SH3RF3: variants seen among roughly 807,000 people sequenced by gnomAD.
The protein encoded by SH3RF3 is E3 ubiquitin-protein ligase SH3RF3.
Under a neutral mutation model 66.3 loss-of-function variants are expected in SH3RF3, and 29 were observed. The ratio of observed to expected loss-of-function variants is 0.44; its 90% CI spans 0.33 to 0.60. The LOEUF is 0.60. Ranked by LOEUF, SH3RF3 falls within the 20% of genes least tolerant of loss-of-function variation. The pLI is 0.04. For synonymous variants in SH3RF3, 583 were observed against 532.0 expected, an observed-to-expected ratio of 1.10 and a Z score of -1.32; for missense variants, 1,194 against 1,190.9, an observed-to-expected ratio of 1.00 and a Z score of -0.04.
chr2:109,297,753 T>C (rs1681351572), intron 1 of SH3RF3, among the ~76,000 whole-genome samples: 1 of 146,960 alleles, frequency 6.8e-6, no homozygotes, highest in South Asian at 2.2e-4. Context: ...GTGTCCCTTA[T>C]CCAGTCAGTG....
At chr2:109,150,368 A>G (rs957361734) in intron 1 of SH3RF3, among the ~76,000 whole-genome samples, 1 of 152,172 alleles carries the variant, frequency 6.6e-6, no homozygotes, top group Non-Finnish European at 1.5e-5. Context: ...AGACCATGCT[A>G]GGGATTTTTG....
At chr2:109,456,919 G>A (rs1014629988) in intron 8 of SH3RF3, among the ~76,000 whole-genome samples, 3 of 152,222 alleles carry the variant, frequency 2.0e-5, no homozygotes, top group Non-Finnish European at 2.9e-5. Context: ...TGGCAGGGAC[G>A]AGGGAAGGAG....
chr2:109,193,286 C>G (rs918326911), intron 1 of SH3RF3, among the ~76,000 whole-genome samples: 22 of 152,142 alleles, frequency 1.4e-4, no homozygotes, highest in Admixed American at 2.0e-4. Flanking sequence ...TCTTTTAAGG[C>G]TTTATTGAGA....
Position 109,476,234 on chromosome 2 carries a change from A to G in SH3RF3, c.2149-14371A>G, listed in dbSNP as rs1254911871. Among the ~76,000 whole-genome samples the G allele has an allele frequency of 3.3e-5, 5 of 152,334 alleles. No individual in the cohort carries two copies. The East Asian group carries it at 9.6e-4, about 29-fold the overall frequency. On this transcript the variant is annotated intron_variant, in intron 8 of 9. Coordinates refer to ENST00000309415, the MANE Select transcript of SH3RF3 (RefSeq NM_001099289.3). Reference sequence around the variant, plus strand: ...CAGCCCTGCCCCCACCAGGCCTGCTAGCACCCACAGCACAAAGTTCTCCAG... The same window carrying G: ...CAGCCCTGCCCCCACCAGGCCTGCTGGCACCCACAGCACAAAGTTCTCCAG...
intron 1 of SH3RF3, among the ~76,000 whole-genome samples, chr2:109,307,549 A>G (rs1681627067): frequency 7.1e-6 from 1 of 141,686 alleles, no homozygotes; most frequent in South Asian, 2.4e-4. Context: ...CATTAGGTAT[A>G]TCTCCCAATG....
At chr2:109,427,539 C>CT (rs959684916) in intron 5 of SH3RF3, among the ~76,000 whole-genome samples, 10 of 152,182 alleles carry the variant, frequency 6.6e-5, no homozygotes, top group African/African-American at 1.9e-4. Flanking sequence ...CCCAGAATCT[C>CT]TAACAAGTTC....
At chr2:109,274,765 A>G (rs1183937474) in intron 1 of SH3RF3, among the ~76,000 whole-genome samples, 3 of 152,294 alleles carry the variant, frequency 2.0e-5, no homozygotes, top group Admixed American at 6.5e-5. Context: ...TCACTTTAAA[A>G]TGGTTAATTT....
chr2:109,475,570 C>T (rs1252546638), intron 8 of SH3RF3, among the ~76,000 whole-genome samples: 1 of 152,212 alleles, frequency 6.6e-6, no homozygotes, highest in African/African-American at 2.4e-5. Flanking sequence ...AGGCTGACAC[C>T]TGCCCTGTAG....
At chr2:109,474,490 G>T (rs1352353035) in intron 8 of SH3RF3, among the ~76,000 whole-genome samples, 2 of 152,180 alleles carry the variant, frequency 1.3e-5, no homozygotes, top group Non-Finnish European at 2.9e-5. Flanking sequence ...TGATCCCTGG[G>T]GACAGGCGGC....
At chr2:109,409,448 A>G (rs999098178) in intron 4 of SH3RF3, among the ~76,000 whole-genome samples, 1 of 152,212 alleles carries the variant, frequency 6.6e-6, no homozygotes, top group African/African-American at 2.4e-5. Context: ...CTTTATTCAC[A>G]AAAGCAGAAC....
At position 109,283,880 on chromosome 2, in the gene SH3RF3, T is replaced by C. The variant is rs571247844; in HGVS notation, c.574-63794T>C. Among the ~76,000 whole-genome samples the C allele has an allele frequency of 3.6e-3, 544 of 152,340 alleles. 1 individual carries two copies. Among genetic ancestry groups the C allele is most frequent in the African/African-American group, 0.012 (508 of 41,570 alleles). On this transcript the variant is annotated intron_variant, in intron 1 of 9. Transcript: ENST00000309415. ...GATGCTGGGGAGTGAGTATTCTATATGCATCAGCTGGTGAAGCGCTTATCA... is the reference window on the plus strand; with the variant it reads ...GATGCTGGGGAGTGAGTATTCTATACGCATCAGCTGGTGAAGCGCTTATCA...
chr2:109,320,537 T>C (rs752641939), intron 1 of SH3RF3, among the ~76,000 whole-genome samples: 5 of 152,216 alleles, frequency 3.3e-5, no homozygotes, highest in Non-Finnish European at 7.3e-5. Context: ...ACCTGCTGGA[T>C]ACATGTTTGT....
Position 109,142,980 on chromosome 2 carries a change from G to T in SH3RF3, c.573+12867G>T, listed in dbSNP as rs572609125. On this transcript the variant is annotated intron_variant, in intron 1 of 9. Transcript: ENST00000309415. ...GGAGTGCCGGGGGCTTGGGGCTGGT[G>T]TCCTGGCTGCTGGAGTGTGATTTGG... is the stretch of plus-strand genomic sequence containing the variant. Among the ~76,000 whole-genome samples the T allele has an allele frequency of 2.6e-4, 39 of 152,246 alleles. 1 individual carries two copies. The East Asian group carries it at 6.6e-3, about 26-fold the overall frequency.
intron 1 of SH3RF3, among the ~76,000 whole-genome samples, chr2:109,228,156 C>T (rs370267772): frequency 6.6e-6 from 1 of 152,280 alleles, no homozygotes; most frequent in East Asian, 1.9e-4. Context: ...GTACTTGCAA[C>T]GTTTGGCAAA....
At chr2:109,411,761 T>C (rs892391114) in intron 4 of SH3RF3, among the ~76,000 whole-genome samples, 1 of 152,212 alleles carries the variant, frequency 6.6e-6, no homozygotes, top group Non-Finnish European at 1.5e-5. Context: ...ATGTCAGTTT[T>C]AGGCATTCTT....
At position 109,190,201 on chromosome 2, in the gene SH3RF3, C is replaced by T. The variant is rs555304411; in HGVS notation, c.573+60088C>T. Among the ~76,000 whole-genome samples, 8 of 151,322 alleles carry T rather than the reference C, an allele frequency of 5.3e-5. No homozygotes were observed. The East Asian group carries it at 9.7e-4, about 18-fold the overall frequency. On this transcript the variant is annotated intron_variant, in intron 1 of 9. Coordinates refer to ENST00000309415, the MANE Select transcript of SH3RF3 (RefSeq NM_001099289.3). The stretch of plus-strand genomic sequence containing the variant: ...TATTTTTTTTTTTTTGAGACGGAGT[C>T]TCACTCTTATTGCCCAGGCTGGAGT...
chr2:109,234,616 AT>A (rs1679600415), intron 1 of SH3RF3, among the ~76,000 whole-genome samples: 2 of 152,236 alleles, frequency 1.3e-5, no homozygotes, highest in African/African-American at 4.8e-5. Flanking sequence ...TTTGTTTCTC[AT>A]TCACGCTGTT....
chr2:109,389,433 A>G (rs6542822), intron 3 of SH3RF3, among the ~76,000 whole-genome samples: 79,350 of 152,154 alleles, frequency 0.52, 21,159 homozygotes, highest in South Asian at 0.61. Flanking sequence ...GGCATACCGC[A>G]TGAGTGTGTG....
chr2:109,400,574 C>T (rs1027726097), intron 4 of SH3RF3, among the ~76,000 whole-genome samples: 5 of 58,724 alleles, frequency 8.5e-5, no homozygotes, highest in South Asian at 5.8e-4. Context: ...CACACCTGTG[C>T]GCACACACAC....
Sources: gnomAD v4.1 joint callset for allele counts (sites outside exome capture counted in the v4.1 genomes callset) on GRCh38, gnomAD v4.1.1 for gene constraint, MANE v1.5 for transcripts, NCBI Gene and HGNC (gene_info 2026-07-23, HGNC 2026-07-21) for gene names.